Variants in DGKI observed in about 807,000 individuals in gnomAD.
DGKI encodes diacylglycerol kinase iota.
A neutral mutation model predicts 147.5 loss-of-function variants in DGKI; 55 were observed. That is an observed-to-expected ratio of 0.37 (90% confidence interval 0.30 to 0.47). DGKI has a LOEUF of 0.47. Among genes scored for constraint, DGKI ranks in the 20% least tolerant of loss-of-function variants. The probability of loss-of-function intolerance (pLI) is 1.00; values close to 1 mark genes in which losing one functional copy is unlikely to be tolerated. For missense variants in DGKI, 1,007 were observed against 1,323.8 expected (o/e 0.76, Z 3.71); for synonymous variants, 469 against 477.1 (o/e 0.98, Z 0.22).
intron 5 of DGKI, 92 bp from the exon 6 acceptor site, chr7:137,645,629 T>C (rs1336272319): frequency 8.4e-6 from 10 of 1,184,686 alleles, no homozygotes; most frequent in Non-Finnish European, 1.2e-5. Context: ...TGCAGTGGTA[T>C]AATCATAGTT....
Position 137,579,452 on chromosome 7 carries a change from G to GA in DGKI, c.1643-1128dup, listed in dbSNP as rs67445318. On this transcript the variant is annotated intron_variant, in intron 15 of 32. Transcript: ENST00000614521. ...CAGAAACAGTAAAAAAAAAAAAAAA[G>GA]AAAGAAAAAAAGGCTATTTGCTTAA... Among the ~76,000 whole-genome samples, 121 of 138,336 alleles carry GA rather than the reference G, an allele frequency of 8.7e-4. 2 individuals are homozygous for GA. The highest frequency in any genetic ancestry group is 3.2e-3 in the African/African-American group (118 of 37,142). 90.8% of individuals were successfully genotyped at this position (138,336 alleles called of 152,430 possible). A position where few individuals can be genotyped will look rare whatever the true frequency, so the allele number is the denominator to read the frequency against.
At chr7:137,664,992 G>A (rs947415421) in intron 3 of DGKI, among the ~76,000 whole-genome samples, 1 of 148,240 alleles carries the variant, frequency 6.7e-6, no homozygotes, top group East Asian at 1.9e-4. Flanking sequence ...GATATCTGGC[G>A]GAAAAACATT....
At position 137,667,319 on chromosome 7, in the gene DGKI, T is replaced by C. The variant is rs375949140; in HGVS notation, c.607-10779A>G. Among the ~76,000 whole-genome samples, 27 of 152,098 alleles carry C rather than the reference T, an allele frequency of 1.8e-4. 1 individual carries two copies. The South Asian group carries it at 4.8e-3, about 27-fold the overall frequency. Reference sequence around the variant, plus strand: ...TTCACAAATTTCAAGCAGACAGACTTGAGTGAAGATGGGCTAGACATATTA... The same window carrying C: ...TTCACAAATTTCAAGCAGACAGACTCGAGTGAAGATGGGCTAGACATATTA... On this transcript the variant is annotated intron_variant, in intron 3 of 32. Transcript: ENST00000614521.
In DGKI at chr7:137,395,608, G is replaced by A. The variant is rs760525641; in HGVS notation, c.3047C>T (p.Thr1016Met). 1.5e-5 allele frequency: 25 copies of A among 1,614,024 alleles called. No individual in the cohort carries two copies. The highest frequency in any genetic ancestry group is 3.3e-5 in the Admixed American group (2 of 60,018). Residue 1016 changes from threonine (T) to methionine (M), a missense_variant, in exon 32 of 33, where the codon ACG becomes ATG. Thr to Met is a moderately conservative substitution (Grantham distance 81). Transcript: ENST00000614521. ...CACTCATCGAGTTACCTTGGAGTCC[G>A]TCTTTCTCAGAGATGCTCCTGCATC... is the stretch of plus-strand genomic sequence containing the variant. ...LVDAGASLRK[T>M]DSKGKTPQER... is the part of the protein sequence containing the mutation.
chr7:137,626,859 G>A (rs142392055), intron 6 of DGKI, among the ~76,000 whole-genome samples: 3 of 152,170 alleles, frequency 2.0e-5, no homozygotes, highest in East Asian at 3.9e-4. Flanking sequence ...ACTGCCACCC[G>A]GTGAAATGAT....
rs201994992 is a variant in DGKI, at chr7:137,638,554, G to A, written c.804+6918C>T. 3.1e-3 allele frequency among the ~76,000 whole-genome samples: 229 copies of A among 73,378 alleles called. 1 individual carries two copies. The highest frequency in any genetic ancestry group is 5.0e-3 in the Non-Finnish European group (185 of 37,372). 48.1% of individuals were successfully genotyped at this position (73,378 alleles called of 152,430 possible). A position where few individuals can be genotyped will look rare whatever the true frequency, so the allele number is the denominator to read the frequency against. ...CACACATATATGTATATATATGTGT[G>A]TATATATATACACACATATATGTAT... On this transcript the variant is annotated intron_variant, in intron 6 of 32. Transcript: ENST00000614521.
chr7:137,690,084 G>T lies in DGKI; in HGVS notation c.402-82C>A, dbSNP rs146403447. ...ATACAGAGCTCAAAATTTCCCATGG[G>T]GTAGAAACAATGCCTGAGTTAGCCT... is the stretch of plus-strand genomic sequence containing the variant. On this transcript the variant is annotated intron_variant, in intron 1 of 32. Transcript: ENST00000614521. 2.8e-5 allele frequency: 28 copies of T among 1,015,776 alleles called. No homozygotes were observed. In the East Asian group the frequency reaches 6.9e-4, roughly 25 times the overall value. 62.9% of individuals were successfully genotyped at this position (1,015,776 alleles called of 1,614,324 possible).
At chr7:137,515,714 A>G (rs936047383) in intron 21 of DGKI, among the ~76,000 whole-genome samples, 3 of 152,162 alleles carry the variant, frequency 2.0e-5, no homozygotes, top group Admixed American at 6.6e-5. Flanking sequence ...TTATATGTGA[A>G]ATGGGAATAA....
intron 1 of DGKI, among the ~76,000 whole-genome samples, chr7:137,797,350 C>G (rs1046346982): frequency 6.6e-6 from 1 of 152,044 alleles, no homozygotes; most frequent in African/African-American, 2.4e-5. Flanking sequence ...CTTGAGTATC[C>G]ATGGAGAAAT....
intron 1 of DGKI, among the ~76,000 whole-genome samples, chr7:137,771,060 A>C (rs1796180413): frequency 6.6e-6 from 1 of 151,972 alleles, no homozygotes; most frequent in African/African-American, 2.4e-5. Flanking sequence ...TTTACGTTTT[A>C]TCTTTGCAAT....
At chr7:137,834,932 A>C (rs1270917210) in intron 1 of DGKI, among the ~76,000 whole-genome samples, 1 of 152,172 alleles carries the variant, frequency 6.6e-6, no homozygotes, top group East Asian at 1.9e-4. Context: ...CTTCACACAC[A>C]TACCCATTGG....
chr7:137,697,754 A>T (rs1486405812), intron 1 of DGKI, among the ~76,000 whole-genome samples: 1 of 152,160 alleles, frequency 6.6e-6, no homozygotes, highest in Non-Finnish European at 1.5e-5. Flanking sequence ...ACTAAATAAA[A>T]AGATTCTGCT....
intron 1 of DGKI, among the ~76,000 whole-genome samples, chr7:137,727,932 G>C (rs1794759023): frequency 6.6e-6 from 1 of 152,068 alleles, no homozygotes; most frequent in South Asian, 2.1e-4. Flanking sequence ...CAAAGAAAGT[G>C]GAACCAGCTT....
chr7:137,811,384 TCACA>T (rs55647700), intron 1 of DGKI, among the ~76,000 whole-genome samples: 52,418 of 131,068 alleles, frequency 0.4, 10,674 homozygotes, highest in Non-Finnish European at 0.47. Context: ...TCTCTCTCTC[TCACA>T]CACACACACA....
intron 28 of DGKI, among the ~76,000 whole-genome samples, chr7:137,431,539 C>T (rs918892): frequency 0.42 from 63,911 of 151,988 alleles, 14,027 homozygotes; most frequent in East Asian, 0.74. Context: ...GGTGTGGCAA[C>T]AGAAACTCCA....
At chr7:137,401,887 G>GT (rs1380521696) in intron 30 of DGKI, among the ~76,000 whole-genome samples, 6 of 152,186 alleles carry the variant, frequency 3.9e-5, no homozygotes, top group African/African-American at 1.4e-4. Flanking sequence ...TAGATCAGTT[G>GT]TCATTTGAAC....
At chr7:137,655,091 A>G (rs1265207283) in intron 4 of DGKI, among the ~76,000 whole-genome samples, 1 of 152,216 alleles carries the variant, frequency 6.6e-6, no homozygotes, top group Non-Finnish European at 1.5e-5. Context: ...GCCAGAGGAA[A>G]GATACTGGCA....
chr7:137,662,238 TC>T, intron 3 of DGKI, among the ~76,000 whole-genome samples: 1 of 144,232 alleles, frequency 6.9e-6, no homozygotes, highest in African/African-American at 2.7e-5. Context: ...TCCAGCACAC[TC>T]CTTTTTTTTT....
intron 3 of DGKI, among the ~76,000 whole-genome samples, chr7:137,667,421 A>AT (rs1335406121): frequency 6.6e-6 from 1 of 152,136 alleles, no homozygotes; most frequent in Non-Finnish European, 1.5e-5. Context: ...CTGAGGTAGC[A>AT]TATCACGGGT....
Sources: allele counts gnomAD v4.1 joint callset (sites outside exome capture counted in the v4.1 genomes callset), GRCh38; gene constraint gnomAD v4.1.1; transcripts MANE v1.5; gene names NCBI Gene and HGNC (gene_info 2026-07-23, HGNC 2026-07-21).